SLC67A1: variants seen among roughly 807,000 people sequenced by gnomAD.
SLC67A1 encodes solute carrier family 67 member A1.
At chr11:2,903,129 G>A in the SLC67A1 span, 4 of 1,170,118 alleles carry the variant, frequency 3.4e-6, no homozygotes, top group South Asian at 6.9e-5. Flanking sequence ...TGGAGGAGGG[G>A]GACCCCCTGA....
At chr11:2,924,926 A>G in the SLC67A1 span, 1 of 1,309,034 alleles carries the variant, frequency 7.6e-7, no homozygotes, top group African/African-American at 1.5e-5. The surrounding 1 kb of genome is among the most constrained non-coding windows in gnomAD (Gnocchi z 8.6). Context: ...GTCAGGAGAG[A>G]TGGGAGGCCA....
the SLC67A1 span, chr11:2,921,948 C>G: frequency 9.7e-4 from 655 of 678,478 alleles, 2 homozygotes; most frequent in Non-Finnish European, 1.4e-3. Context: ...GGAGAGACCC[C>G]GGGGCTTGCA....
the SLC67A1 span, among the ~76,000 whole-genome samples, chr11:2,924,124 C>T: frequency 2.0e-5 from 3 of 152,328 alleles, no homozygotes; most frequent in South Asian, 2.1e-4. The surrounding 1 kb of genome is among the most constrained non-coding windows in gnomAD (Gnocchi z 8.6). Context: ...CCTTGTTGCC[C>T]GAGTGTTGAC....
At chr11:2,914,315 A>AG in the SLC67A1 span, among the ~76,000 whole-genome samples, 5 of 152,066 alleles carry the variant, frequency 3.3e-5, no homozygotes, top group Admixed American at 2.0e-4. Flanking sequence ...GGTGAGGTTG[A>AG]GGGGGGCTGA....
At chr11:2,925,189 G>A in the SLC67A1 span, 1 of 1,613,018 alleles carries the variant, frequency 6.2e-7, no homozygotes, top group Non-Finnish European at 8.5e-7. The surrounding 1 kb of genome is among the most constrained non-coding windows in gnomAD (Gnocchi z 6.5). Flanking sequence ...GAAGGACAAA[G>A]TCCGGTGACC....
chr11:2,900,822 G>A, the SLC67A1 span, among the ~76,000 whole-genome samples: 23 of 151,896 alleles, frequency 1.5e-4, no homozygotes, highest in South Asian at 1.7e-3. Context: ...CTCCTGGACC[G>A]CAAGGGGAAG....
At chr11:2,910,535 G>A in the SLC67A1 span, among the ~76,000 whole-genome samples, 1 of 152,112 alleles carries the variant, frequency 6.6e-6, no homozygotes, top group Non-Finnish European at 1.5e-5. Context: ...CCGTGTGGCT[G>A]GAGGGAGGAA....
the SLC67A1 span, chr11:2,917,880 A>G: frequency 1.3e-6 from 1 of 766,756 alleles, no homozygotes; most frequent in African/African-American, 1.8e-5. Context: ...AGGAAGCTTT[A>G]CCCTGGCGGG....
At chr11:2,922,122 C>T in the SLC67A1 span, 54 of 1,613,224 alleles carry the variant, frequency 3.3e-5, no homozygotes, top group Middle Eastern at 5.0e-4. Context: ...GCCTGGTCAT[C>T]GGGCAGCTGA....
chr11:2,923,779 C>T, the SLC67A1 span, among the ~76,000 whole-genome samples: 1 of 152,186 alleles, frequency 6.6e-6, no homozygotes, highest in East Asian at 1.9e-4. This position sits in a 1 kb window ranked among gnomAD's most constrained non-coding sequence, Gnocchi z 6.5. Context: ...AGGCCCAGGC[C>T]ATTGGGCCAC....
the SLC67A1 span, chr11:2,916,428 C>A: frequency 5.1e-4 from 271 of 536,394 alleles, 2 homozygotes; most frequent in East Asian, 6.8e-3. Context: ...AGCGCCCCAC[C>A]CATTCCTTCA....
At chr11:2,910,501 G>A in the SLC67A1 span, among the ~76,000 whole-genome samples, 1 of 152,264 alleles carries the variant, frequency 6.6e-6, no homozygotes, top group South Asian at 2.1e-4. Context: ...CGGTGCAGAG[G>A]CCCTGGGTGT....
chr11:2,915,363 G>A, the SLC67A1 span: 6 of 489,492 alleles, frequency 1.2e-5, no homozygotes, highest in Non-Finnish European at 1.6e-5. Flanking sequence ...TGGGGACATG[G>A]TGGCCTGTGG....
At chr11:2,908,335 A>AGT in the SLC67A1 span, 30 of 1,572,690 alleles carry the variant, frequency 1.9e-5, no homozygotes, top group African/African-American at 4.1e-5. Flanking sequence ...TGGCAGGTAC[A>AGT]GTGTGTGTGT....
the SLC67A1 span, among the ~76,000 whole-genome samples, chr11:2,907,427 C>T: frequency 2.8e-4 from 43 of 152,304 alleles, no homozygotes; most frequent in Non-Finnish European, 5.6e-4. This position sits in a 1 kb window ranked among gnomAD's most constrained non-coding sequence, Gnocchi z 6.7. Context: ...CCACATCACT[C>T]TGTCTTCCCA....
chr11:2,909,624 C>T, the SLC67A1 span: 2 of 1,532,692 alleles, frequency 1.3e-6, no homozygotes, highest in Non-Finnish European at 1.7e-6. Context: ...AGGAGCGGCC[C>T]GCGGCCCTGG....
At chr11:2,908,429 G>A in the SLC67A1 span, 336,078 of 827,928 alleles carry the variant, frequency 0.41, 73,623 homozygotes, top group East Asian at 0.71. Context: ...ACCCCACACC[G>A]GACCCCCCTG....
At chr11:2,924,252 A>C in the SLC67A1 span, among the ~76,000 whole-genome samples, 1 of 152,118 alleles carries the variant, frequency 6.6e-6, no homozygotes, top group Non-Finnish European at 1.5e-5. This position sits in a 1 kb window ranked among gnomAD's most constrained non-coding sequence, Gnocchi z 8.6. Context: ...CTGTCTGGGG[A>C]GCCTCGGAAG....
At chr11:2,906,355 G>A in the SLC67A1 span, among the ~76,000 whole-genome samples, 1 of 152,194 alleles carries the variant, frequency 6.6e-6, no homozygotes, top group African/African-American at 2.4e-5. Context: ...TTGACCCAGC[G>A]ATCCCATTAC....
Sources: gnomAD v4.1 joint callset for allele counts (sites outside exome capture counted in the v4.1 genomes callset) on GRCh38, gnomAD v4.1.1 for gene constraint, Gnocchi (gnomAD v3.1) non-coding constraint, MANE v1.5 for transcripts, NCBI Gene and HGNC (gene_info 2026-07-23, HGNC 2026-07-21) for gene names.